The following PRDM11 variants were observed in gnomAD, a reference collection of about 807,000 sequenced individuals.
The protein encoded by PRDM11 is PR/SET domain 11.
In PRDM11, 20 loss-of-function variants were observed where a neutral mutation model predicts 97.8. The observed-to-expected ratio is 0.20, with a 90% CI of 0.14 to 0.30. The LOEUF is 0.30. PRDM11 is among the 10% of genes least tolerant of loss of function. The pLI is 1.00. For missense variants in PRDM11, 1,139 were observed against 1,555.2 expected (o/e 0.73, Z 4.50); for synonymous variants, 599 against 637.7 (o/e 0.94, Z 0.91).
intron 4 of PRDM11, among the ~76,000 whole-genome samples, chr11:45,202,703 AG>A (rs1036129647): frequency 2.6e-5 from 4 of 152,124 alleles, no homozygotes; most frequent in African/African-American, 4.8e-5. Flanking sequence ...GGAGGCAGAG[AG>A]GGTCTTCCAC....
At chr11:45,125,367 C>G (rs1852541572) in intron 1 of PRDM11, among the ~76,000 whole-genome samples, 1 of 152,056 alleles carries the variant, frequency 6.6e-6, no homozygotes, top group Non-Finnish European at 1.5e-5. Flanking sequence ...TTGGTTATTT[C>G]TTGCCTTCTG....
At chr11:45,220,525 G>A (rs1414868076) in intron 6 of PRDM11, among the ~76,000 whole-genome samples, 2 of 152,174 alleles carry the variant, frequency 1.3e-5, no homozygotes, top group Admixed American at 6.5e-5. Flanking sequence ...AATATCAAAT[G>A]AATACAGTGA....
chr11:45,196,127 C>T (rs1224222156), intron 4 of PRDM11, among the ~76,000 whole-genome samples: 2 of 152,206 alleles, frequency 1.3e-5, no homozygotes, highest in Admixed American at 6.5e-5. Flanking sequence ...TGCTTTCCCA[C>T]CAGTTGTATA....
intron 1 of PRDM11, among the ~76,000 whole-genome samples, chr11:45,173,025 C>G (rs1000391314): frequency 1.3e-5 from 2 of 152,154 alleles, no homozygotes; most frequent in Non-Finnish European, 2.9e-5. Flanking sequence ...AAAGCCCTTC[C>G]CTTCCCTTTG....
chr11:45,181,299 G>T (rs1381820005), intron 1 of PRDM11, among the ~76,000 whole-genome samples: 1 of 152,192 alleles, frequency 6.6e-6, no homozygotes, highest in Non-Finnish European at 1.5e-5. Context: ...CTGCGCTCCC[G>T]GCAGTCCCAG....
At chr11:45,190,182 T>G (rs2135756924) in intron 4 of PRDM11, among the ~76,000 whole-genome samples, 1 of 151,682 alleles carries the variant, frequency 6.6e-6, no homozygotes, top group African/African-American at 2.4e-5. Flanking sequence ...AGTCTCACTC[T>G]ATCACCCAGG....
intron 1 of PRDM11, among the ~76,000 whole-genome samples, chr11:45,156,090 G>T (rs1005017182): frequency 6.6e-6 from 1 of 152,184 alleles, no homozygotes; most frequent in African/African-American, 2.4e-5. Context: ...GGACTGGCTT[G>T]CTGGGACTGC....
intron 3 of PRDM11, among the ~76,000 whole-genome samples, chr11:45,182,578 G>A (rs1316283047): frequency 1.3e-5 from 2 of 152,132 alleles, no homozygotes; most frequent in African/African-American, 4.8e-5. Flanking sequence ...CCCACGCCTC[G>A]AGTCCTCTGG....
chr11:45,227,725 C>G lies in PRDM11; in HGVS notation c.3100C>G (p.Arg1034Gly). Residue 1034 changes from arginine (R) to glycine (G), a missense_variant, in exon 8 of 8, where the codon CGG becomes GGG. By Grantham distance (125) the Arg-to-Gly change is moderately radical (BLOSUM62 -2). Around this residue, in one of 2 missense-constraint regions of PRDM11, gnomAD observed 710 missense variants for 1,044.9 expected, o/e 0.68. Coordinates refer to ENST00000683152, the MANE Select transcript of PRDM11 (RefSeq NM_001384648.1). The surrounding 1 kb of genome is among the most constrained non-coding windows in gnomAD (Gnocchi z 8.0). ...TGTCTGTAGGGAAGGGCTGGACCCC[C>G]GGGGTAGTCTGTTGATGGAGTGGCG... Reference protein sequence around the residue: ...RDVCREGLDPRGSLLMEWREL... With the variant: ...RDVCREGLDPGGSLLMEWREL... 6.5e-7 allele frequency: 1 copy of G among 1,533,878 alleles called. No individual in the cohort carries two copies. The highest frequency in any genetic ancestry group is 8.7e-7 in the Non-Finnish European group (1 of 1,146,714).
intron 1 of PRDM11, among the ~76,000 whole-genome samples, chr11:45,167,418 A>C (rs58102469): frequency 0.014 from 2,089 of 152,232 alleles, 37 homozygotes; most frequent in African/African-American, 0.048. Flanking sequence ...TATTCACAGC[A>C]AACATCAGGA....
chr11:45,126,018 G>A (rs1852562171), intron 1 of PRDM11, among the ~76,000 whole-genome samples: 1 of 152,172 alleles, frequency 6.6e-6, no homozygotes, highest in Non-Finnish European at 1.5e-5. Context: ...ATGAATCTGG[G>A]TGCTCCTGTA....
Position 45,182,315 on chromosome 11 carries a change from C to G in PRDM11, c.189C>G (p.Ile63Met), listed in dbSNP as rs143989184. The G allele has an allele frequency of 3.7e-6, 6 of 1,613,952 alleles. No individual in the cohort carries two copies. In the Admixed American group the frequency reaches 5.0e-5, roughly 13 times the overall value. The change falls in exon 3 of 8, where the codon ATC becomes ATG. Residue 63 changes from isoleucine (I) to methionine (M), a missense_variant. Ile to Met is a conservative substitution (Grantham distance 10, BLOSUM62 1). Around this residue, in one of 2 missense-constraint regions of PRDM11, gnomAD observed 429 missense variants for 510.3 expected, o/e 0.84. Transcript: ENST00000683152. ...AACTGAAGGGGAAGCGCGACCTCAT[C>G]GTGCCCAAAAGCTTCCAGCAAGTGG... ...PKKLKGKRDL[I>M]VPKSFQQVDF...
At position 45,226,602 on chromosome 11, in the gene PRDM11, C is replaced by T. The variant is rs1156958105; in HGVS notation, c.1977C>T (p.Ser659=). The T allele has an allele frequency of 6.5e-6, 10 of 1,533,982 alleles. No individual in the cohort carries two copies. The highest frequency in any genetic ancestry group is 3.6e-5 in the South Asian group (3 of 83,968). Residue 659 remains serine (S), a synonymous_variant, in exon 8 of 8, where the codon AGC becomes AGT. Coordinates refer to ENST00000683152, the MANE Select transcript of PRDM11 (RefSeq NM_001384648.1). ...VERIRQSPCL[S]VILDGQSDDL... Reference sequence around the variant, plus strand: ...GCATCCGCCAGTCACCTTGCCTCAGCGTCATCCTGGATGGGCAGAGCGACG... The same window carrying T: ...GCATCCGCCAGTCACCTTGCCTCAGTGTCATCCTGGATGGGCAGAGCGACG...
intron 1 of PRDM11, among the ~76,000 whole-genome samples, chr11:45,137,571 C>A (rs1852896216): frequency 1.3e-5 from 2 of 152,068 alleles, no homozygotes; most frequent in South Asian, 2.1e-4. Context: ...GGCAACATGG[C>A]GAGACCTCCT....
At chr11:45,162,053 G>A (rs1374280156) in intron 1 of PRDM11, among the ~76,000 whole-genome samples, 1 of 152,244 alleles carries the variant, frequency 6.6e-6, no homozygotes, top group Non-Finnish European at 1.5e-5. Context: ...TGCCCTCTGG[G>A]CAGTGGCGTG....
chr11:45,181,975 A>C, intron 2 of PRDM11, 90 bp downstream of exon 2: 1 of 1,203,218 alleles, frequency 8.3e-7, no homozygotes, highest in Non-Finnish European at 1.2e-6. Context: ...AAACGTTCTC[A>C]CTCCTTGCCC....
chr11:45,189,880 T>A (rs113687574), intron 4 of PRDM11, among the ~76,000 whole-genome samples: 1,956 of 152,108 alleles, frequency 0.013, 40 homozygotes, highest in African/African-American at 0.044. Context: ...AGTAACAGGT[T>A]TGTTCGAGAA....
At chr11:45,220,803 T>C (rs1319302254) in intron 6 of PRDM11, among the ~76,000 whole-genome samples, 1 of 152,186 alleles carries the variant, frequency 6.6e-6, no homozygotes, top group Non-Finnish European at 1.5e-5. Context: ...CCAGAAGCAG[T>C]TTTAACTACT....
At chr11:45,103,481 TG>T (rs1436034422) in intron 1 of PRDM11, among the ~76,000 whole-genome samples, 2 of 152,162 alleles carry the variant, frequency 1.3e-5, no homozygotes, top group African/African-American at 4.8e-5. Context: ...TTTGCAGCTT[TG>T]TGACTTTGAG....
Sources: gnomAD v4.1 joint callset for allele counts (sites outside exome capture counted in the v4.1 genomes callset) on GRCh38, gnomAD v4.1.1 for gene constraint, gnomAD v4.1.1 regional missense constraint, Gnocchi (gnomAD v3.1) non-coding constraint, MANE v1.5 for transcripts, NCBI Gene and HGNC (gene_info 2026-07-23, HGNC 2026-07-21) for gene names.